BAG4: variants seen among roughly 807,000 people sequenced by gnomAD.
The protein encoded by BAG4 is BAG cochaperone 4.
In BAG4, 28 loss-of-function variants were observed where a neutral mutation model predicts 52.1. The ratio of observed to expected loss-of-function variants is 0.54; its 90% CI spans 0.40 to 0.74. BAG4 has a LOEUF of 0.74. BAG4 is among the 30% of genes least tolerant of loss of function. The pLI, the probability that BAG4 is intolerant of heterozygous loss-of-function variation, is 0.00. For missense variants in BAG4, 525 were observed against 572.0 expected (o/e 0.92, Z 0.84); for synonymous variants, 208 against 217.0 (o/e 0.96, Z 0.37).
chr8:38,176,904 G>A lies in BAG4; in HGVS notation c.35G>A (p.Ser12Asn). 1 of 1,547,650 alleles carries A rather than the reference G, an allele frequency of 6.5e-7. No individual in the cohort carries two copies. The highest frequency in any genetic ancestry group is 8.7e-7 in the Non-Finnish European group (1 of 1,146,108). The change falls in exon 1 of 5, where the codon AGT becomes AAT. Residue 12 changes from serine (S) to asparagine (N), a missense_variant. Physicochemically the swap from Ser to Asn is conservative, Grantham distance 46 (BLOSUM62 1). Coordinates refer to ENST00000287322, the MANE Select transcript of BAG4 (RefSeq NM_004874.4). ...CTGAGGCGCTCGGGCTACGGCCCCA[G>A]TGACGGTCCGTCCTACGGCCGCTAC... ...SALRRSGYGP[S>N]DGPSYGRYYG...
chr8:38,188,806 A>G (rs956613846), intron 1 of BAG4, among the ~76,000 whole-genome samples: 3 of 151,782 alleles, frequency 2.0e-5, no homozygotes, highest in Non-Finnish European at 4.4e-5. Flanking sequence ...TTATTTGTTT[A>G]TCTTTGAGAT....
intron 2 of BAG4, among the ~76,000 whole-genome samples, chr8:38,196,412 G>C (rs917737526): frequency 6.6e-6 from 1 of 152,118 alleles, no homozygotes; most frequent in African/African-American, 2.4e-5. Context: ...CCAGCACTTT[G>C]GGAGGCCGAG....
At position 38,212,721 on chromosome 8, in the gene BAG4, G is replaced by A. The variant is rs1441114762; in HGVS notation, c.*2228G>A. 1 of 152,196 alleles carries A rather than the reference G, an allele frequency of 6.6e-6. No individual in the cohort carries two copies. The highest frequency in any genetic ancestry group is 1.9e-4 in the East Asian group (1 of 5,206). 9.4% of individuals were successfully genotyped at this position (152,196 alleles called of 1,614,324 possible). ...ACCTTGATCACTATGCTAAGGTGGT[G>A]TCTGCTAGGATTCGCTACTGTAAAC... On this transcript the variant is annotated 3_prime_UTR_variant, in exon 5 of 5. Coordinates refer to ENST00000287322, the MANE Select transcript of BAG4 (RefSeq NM_004874.4).
intron 2 of BAG4, among the ~76,000 whole-genome samples, chr8:38,204,908 C>T (rs1563284968): frequency 1.3e-5 from 2 of 151,886 alleles, no homozygotes; most frequent in African/African-American, 4.8e-5. Context: ...GTTTTAAAAA[C>T]ATAACCACAA....
At chr8:38,206,586 T>A (rs1323627832) in intron 2 of BAG4, among the ~76,000 whole-genome samples, 1 of 152,080 alleles carries the variant, frequency 6.6e-6, no homozygotes, top group African/African-American at 2.4e-5. Context: ...TAATTACCAT[T>A]TATTGAGCAT....
At chr8:38,193,779 G>T (rs1486322723) in intron 2 of BAG4, among the ~76,000 whole-genome samples, 8 of 131,824 alleles carry the variant, frequency 6.1e-5, no homozygotes, top group Admixed American at 3.2e-4. Flanking sequence ...TTGCTCTGTC[G>T]CCAGGCTGGA....
At chr8:38,177,554 C>G (rs1042500594) in intron 1 of BAG4, among the ~76,000 whole-genome samples, 21 of 152,120 alleles carry the variant, frequency 1.4e-4, no homozygotes, top group Admixed American at 1.2e-3. Flanking sequence ...GGGACCCTCC[C>G]GAGGGGAAGG....
At position 38,210,633 on chromosome 8, in the gene BAG4, A is replaced by G. The variant is rs1803852633; in HGVS notation, c.*140A>G. On this transcript the variant is annotated 3_prime_UTR_variant, in exon 5 of 5. Coordinates refer to ENST00000287322, the MANE Select transcript of BAG4 (RefSeq NM_004874.4). Reference sequence around the variant, plus strand: ...TTTCCTTTGATTTTATACTTGAAAAACTGGCAAAGGAATGGAAGAATATTT... The same window carrying G: ...TTTCCTTTGATTTTATACTTGAAAAGCTGGCAAAGGAATGGAAGAATATTT... 8.7e-7 allele frequency: 1 copy of G among 1,149,806 alleles called. No individual in the cohort carries two copies. Among genetic ancestry groups the G allele is most frequent in the Non-Finnish European group, 1.2e-6 (1 of 849,056 alleles). 71.2% of individuals were successfully genotyped at this position (1,149,806 alleles called of 1,614,324 possible).
intron 1 of BAG4, among the ~76,000 whole-genome samples, chr8:38,187,670 T>C (rs1803386136): frequency 1.3e-5 from 2 of 152,030 alleles, no homozygotes; most frequent in African/African-American, 4.8e-5. Context: ...GGAATAGCAT[T>C]CCTGTATCTC....
chr8:38,177,831 AC>A (rs1803191359), intron 1 of BAG4, among the ~76,000 whole-genome samples: 1 of 151,778 alleles, frequency 6.6e-6, no homozygotes, highest in South Asian at 2.1e-4. Context: ...CCGGACATAT[AC>A]TTCTGCTTTG....
chr8:38,183,249 A>G (rs953066222), intron 1 of BAG4, among the ~76,000 whole-genome samples: 16 of 151,698 alleles, frequency 1.1e-4, no homozygotes, highest in Non-Finnish European at 7.4e-5. Context: ...GGGTTTCACC[A>G]TGTTAGCCAG....
At chr8:38,184,571 C>A (rs1312190385) in intron 1 of BAG4, among the ~76,000 whole-genome samples, 3 of 152,130 alleles carry the variant, frequency 2.0e-5, no homozygotes, top group East Asian at 1.9e-4. Context: ...GGTGCAGATA[C>A]CTCTGAGGAC....
chr8:38,207,658 A>G lies in BAG4; in HGVS notation c.525A>G (p.Ser175=), dbSNP rs773687528. Residue 175 remains serine (S), a synonymous_variant, in exon 3 of 5, where the codon TCA becomes TCG. Coordinates refer to ENST00000287322, the MANE Select transcript of BAG4 (RefSeq NM_004874.4). The part of the protein sequence containing the change: ...YSTEVPSTYR[S]SGNSPTPVSR... ...CAGAAGTTCCAAGTACTTACCGTTC[A>G]TCTGGCAACAGCCCAACTCCAGTCT... is the stretch of plus-strand genomic sequence containing the variant. 6.2e-7 allele frequency: 1 copy of G among 1,614,074 alleles called. No homozygotes were observed. Among genetic ancestry groups the G allele is most frequent in the Admixed American group, 1.7e-5 (1 of 60,002 alleles).
At chr8:38,200,148 C>T (rs150851770) in intron 2 of BAG4, among the ~76,000 whole-genome samples, 40 of 151,940 alleles carry the variant, frequency 2.6e-4, no homozygotes, top group African/African-American at 9.4e-4. Context: ...GGATTACAGG[C>T]GGCTGCCACC....
chr8:38,197,184 G>A lies in BAG4; in HGVS notation c.378+4389G>A, dbSNP rs568213817. Reference sequence around the variant, plus strand: ...TCTAGATACAAGTTTCTTATCAAATGTAGTCATTCATTGCTTAATAATGGG... The same window carrying A: ...TCTAGATACAAGTTTCTTATCAAATATAGTCATTCATTGCTTAATAATGGG... On this transcript the variant is annotated intron_variant, in intron 2 of 4. Transcript: ENST00000287322. Among the ~76,000 whole-genome samples the A allele has an allele frequency of 6.6e-5, 10 of 152,252 alleles. No homozygotes were observed. In the South Asian group the frequency reaches 2.1e-3, roughly 32 times the overall value.
chr8:38,193,612 C>A (rs1328190247), intron 2 of BAG4, among the ~76,000 whole-genome samples: 1 of 151,852 alleles, frequency 6.6e-6, no homozygotes, highest in Non-Finnish European at 1.5e-5. Context: ...GTTGCCCAGG[C>A]TGGAGTGCAG....
At chr8:38,184,771 C>T (rs1226660537) in intron 1 of BAG4, among the ~76,000 whole-genome samples, 1 of 152,036 alleles carries the variant, frequency 6.6e-6, no homozygotes, top group African/African-American at 2.4e-5. Context: ...GACTTCCAGC[C>T]TTACATCACA....
rs1490919325 is a variant in BAG4, at chr8:38,177,130, A to G, written c.261A>G (p.Gly87=). The part of the protein sequence containing the change: ...GAWPEPGRAG[G]SHQEQPPYPS... ...GGCCAGAGCCTGGTCGAGCCGGAGG[A>G]AGCCACCAGGTAAGCTTTGCACCCT... Residue 87 remains glycine, a synonymous_variant, in exon 1 of 5, where the codon GGA becomes GGG. Transcript: ENST00000287322. The G allele has an allele frequency of 1.9e-6, 3 of 1,612,712 alleles. No individual in the cohort carries two copies. The highest frequency in any genetic ancestry group is 2.5e-6 in the Non-Finnish European group (3 of 1,179,864).
At position 38,201,853 on chromosome 8, in the gene BAG4, TATATATATATATATATATATATA is replaced by T. The variant is rs1563283981; in HGVS notation, c.379-5658_379-5636del. 7 of 6,442 alleles carry T rather than the reference TATATATATATATATATATATATA, an allele frequency of 1.1e-3. 1 individual carries two copies. The highest frequency in any genetic ancestry group is 4.5e-3 in the Admixed American group (3 of 664). 0.4% of individuals were successfully genotyped at this position (6,442 alleles called of 1,614,324 possible). ...TGGAATTTATATATATATATATATA[TATATATATATATATATATATATA>T]TATATTTTTTTTTTTTTTTTTTTTT... On this transcript the variant is annotated intron_variant, in intron 2 of 4. Transcript: ENST00000287322.
Sources: allele counts gnomAD v4.1 joint callset (sites outside exome capture counted in the v4.1 genomes callset), GRCh38; gene constraint gnomAD v4.1.1; transcripts MANE v1.5; gene names NCBI Gene and HGNC (gene_info 2026-07-23, HGNC 2026-07-21).